The following BAZ1A variants were observed in gnomAD, a reference collection of about 807,000 sequenced individuals.
BAZ1A encodes bromodomain adjacent to zinc finger domain 1A.
BAZ1A carries 50 observed loss-of-function variants against 185.2 expected under a neutral mutation model. The observed-to-expected ratio is 0.27, with a 90% CI of 0.22 to 0.34. The LOEUF is 0.34. BAZ1A is among the 10% of genes least tolerant of loss of function. The pLI is 1.00. For synonymous variants in BAZ1A, 571 were observed against 615.6 expected, an observed-to-expected ratio of 0.93 and a Z score of 1.07; for missense variants, 1,356 against 1,839.9, an observed-to-expected ratio of 0.74 and a Z score of 4.81.
chr14:34,807,805 T>C (rs2041868460), intron 5 of BAZ1A, among the ~76,000 whole-genome samples: 1 of 152,136 alleles, frequency 6.6e-6, no homozygotes, highest in Admixed American at 6.6e-5. Context: ...TAGGGGCCAC[T>C]GAGAAAACAA....
intron 3 of BAZ1A, among the ~76,000 whole-genome samples, chr14:34,844,603 CCT>C (rs1430708344): frequency 6.7e-6 from 1 of 148,572 alleles, no homozygotes; most frequent in Non-Finnish European, 1.5e-5. Flanking sequence ...GCAGGGAGAC[CCT>C]GTTTCTACAA....
At chr14:34,865,054 G>T (rs546156210) in intron 2 of BAZ1A, among the ~76,000 whole-genome samples, 1 of 152,208 alleles carries the variant, frequency 6.6e-6, no homozygotes, top group East Asian at 1.9e-4. Flanking sequence ...AAAATTACAG[G>T]CGTGAGCCAC....
At chr14:34,795,866 A>G (rs1450255728) in intron 9 of BAZ1A, 101 bp from the exon 10 acceptor site, 42 of 790,576 alleles carry the variant, frequency 5.3e-5, no homozygotes, top group Non-Finnish European at 7.1e-5. Context: ...CTTGGACCTT[A>G]CCCCATACCT....
chr14:34,785,481 T>G (rs1473880181), intron 14 of BAZ1A, among the ~76,000 whole-genome samples: 1 of 152,248 alleles, frequency 6.6e-6, no homozygotes, highest in Non-Finnish European at 1.5e-5. Context: ...AGCAGCCATT[T>G]AGATTTAAAC....
At chr14:34,873,343 A>C (rs940294594) in intron 2 of BAZ1A, among the ~76,000 whole-genome samples, 8 of 152,188 alleles carry the variant, frequency 5.3e-5, no homozygotes, top group Non-Finnish European at 1.0e-4. Context: ...TAAGAAAAAG[A>C]GAGGATCACC....
At chr14:34,868,883 T>C (rs1230329529) in intron 2 of BAZ1A, among the ~76,000 whole-genome samples, 1 of 114,292 alleles carries the variant, frequency 8.7e-6, no homozygotes, top group Admixed American at 1.1e-4. Context: ...ATTCTCTCTA[T>C]GTATGTAAGT....
At chr14:34,807,341 G>T (rs956959881) in intron 6 of BAZ1A, 110 bp downstream of exon 6, 22 of 722,286 alleles carry the variant, frequency 3.0e-5, no homozygotes, top group Middle Eastern at 3.8e-4. Context: ...CAGATTAAAA[G>T]AGAGCAATCT....
At chr14:34,873,988 C>T (rs753557610) in intron 2 of BAZ1A, among the ~76,000 whole-genome samples, 4 of 152,186 alleles carry the variant, frequency 2.6e-5, no homozygotes, top group Non-Finnish European at 4.4e-5. Context: ...ACGTCAGACC[C>T]CACTCCCGAC....
At chr14:34,834,741 T>C (rs910493098) in intron 3 of BAZ1A, among the ~76,000 whole-genome samples, 1 of 152,150 alleles carries the variant, frequency 6.6e-6, no homozygotes, top group Non-Finnish European at 1.5e-5. Context: ...TCTAGAGACT[T>C]AGTCTATGTC....
rs2043005589 is a variant in BAZ1A, at chr14:34,874,342, A to G, written c.113+150T>C. Reference sequence around the variant, plus strand: ...CCCGCGCGTTCTCCAGGTGGAGGCCAGGAGGCAGAGAACCGCGGGCCCGGG... The same window carrying G: ...CCCGCGCGTTCTCCAGGTGGAGGCCGGGAGGCAGAGAACCGCGGGCCCGGG... On this transcript the variant is annotated intron_variant, in intron 2 of 26. Transcript: ENST00000360310. The surrounding 1 kb of genome is among the most constrained non-coding windows in gnomAD (Gnocchi z 4.7). 1 of 707,664 alleles carries G rather than the reference A, an allele frequency of 1.4e-6. No homozygotes were observed. The highest frequency in any genetic ancestry group is 2.4e-6 in the Non-Finnish European group (1 of 423,076). 43.8% of individuals were successfully genotyped at this position (707,664 alleles called of 1,614,324 possible).
Position 34,801,146 on chromosome 14 carries a change from T to A in BAZ1A, c.909A>T (p.Lys303Asn). 1 of 1,606,840 alleles carries A rather than the reference T, an allele frequency of 6.2e-7. No homozygotes were observed. Among genetic ancestry groups the A allele is most frequent in the Non-Finnish European group, 8.5e-7 (1 of 1,178,062 alleles). The change falls in exon 8 of 27, where the codon AAA becomes AAT. Residue 303 changes from lysine (K) to asparagine (N), a missense_variant. By Grantham distance (94) the Lys-to-Asn change is moderately conservative (BLOSUM62 0). Around this residue, in one of 7 missense-constraint regions of BAZ1A, gnomAD observed 332 missense variants for 395.3 expected, o/e 0.84. Transcript: ENST00000360310. ...NKQTLASYRSKATKERDKLLK... is the reference protein window; with the variant it reads ...NKQTLASYRSNATKERDKLLK... ...AAAGTTTATCTCTTTCTTTAGTAGC[T>A]TTGCTCCTATAACTTGCAAGAGTCT... is the stretch of plus-strand genomic sequence containing the variant.
At chr14:34,763,505 G>A (rs894359397) in intron 23 of BAZ1A, among the ~76,000 whole-genome samples, 29 of 152,010 alleles carry the variant, frequency 1.9e-4, no homozygotes, top group Admixed American at 1.2e-3. Flanking sequence ...GCTATGGTCA[G>A]GCCTGCTGAC....
intron 25 of BAZ1A, 124 bp downstream of exon 25, chr14:34,758,580 G>GA: frequency 4.9e-6 from 5 of 1,020,058 alleles, no homozygotes; most frequent in Non-Finnish European, 7.0e-6. Flanking sequence ...ACTGTCTCAG[G>GA]AAAAAACAAC....
intron 2 of BAZ1A, among the ~76,000 whole-genome samples, chr14:34,870,356 A>G (rs1239211585): frequency 6.6e-6 from 1 of 152,208 alleles, no homozygotes; most frequent in Non-Finnish European, 1.5e-5. Flanking sequence ...TAAACATCTC[A>G]TTTAAAGACA....
At chr14:34,852,373 C>G (rs374467852) in intron 3 of BAZ1A, among the ~76,000 whole-genome samples, 1 of 152,114 alleles carries the variant, frequency 6.6e-6, no homozygotes, top group Non-Finnish European at 1.5e-5. Flanking sequence ...AATCCCAGCA[C>G]TTTGGAAGGC....
intron 3 of BAZ1A, among the ~76,000 whole-genome samples, chr14:34,830,396 C>T (rs1405842516): frequency 6.6e-6 from 1 of 151,786 alleles, no homozygotes; most frequent in East Asian, 1.9e-4. Flanking sequence ...CAAAAGACCA[C>T]CTATCATAGG....
chr14:34,867,194 G>A (rs1420909838), intron 2 of BAZ1A, among the ~76,000 whole-genome samples: 1 of 152,150 alleles, frequency 6.6e-6, no homozygotes, highest in Non-Finnish European at 1.5e-5. Flanking sequence ...GGAAGGTGGA[G>A]GTTGCAGTGA....
chr14:34,797,419 C>T (rs1179692621), intron 9 of BAZ1A, among the ~76,000 whole-genome samples: 2 of 151,874 alleles, frequency 1.3e-5, no homozygotes, highest in African/African-American at 2.4e-5. Flanking sequence ...ATTAGCCAGG[C>T]GTGGTGGTGG....
intron 25 of BAZ1A, 100 bp downstream of exon 25, chr14:34,758,604 A>G: frequency 8.1e-7 from 1 of 1,233,750 alleles, no homozygotes; most frequent in Non-Finnish European, 1.1e-6. Flanking sequence ...AACAAAAAAA[A>G]CTAGACAGTG....
Sources: allele counts gnomAD v4.1 joint callset (sites outside exome capture counted in the v4.1 genomes callset), GRCh38; gene constraint gnomAD v4.1.1; regional missense constraint gnomAD v4.1.1; non-coding constraint Gnocchi (gnomAD v3.1); transcripts MANE v1.5; gene names NCBI Gene and HGNC (gene_info 2026-07-23, HGNC 2026-07-21).